The following HORMAD1 variants were observed in gnomAD, a reference collection of about 807,000 sequenced individuals.
The protein encoded by HORMAD1 is HORMA domain containing 1.
A neutral mutation model predicts 58.2 loss-of-function variants in HORMAD1; 33 were observed. The ratio of observed to expected loss-of-function variants is 0.57; its 90% CI spans 0.43 to 0.76. HORMAD1 has a LOEUF of 0.76. HORMAD1 is among the 30% of genes least tolerant of loss of function. The pLI is 0.00. For missense variants in HORMAD1, 363 were observed against 462.0 expected, an observed-to-expected ratio of 0.79 and a Z score of 1.96; for synonymous variants, 137 against 144.6, an observed-to-expected ratio of 0.95 and a Z score of 0.38.
intron 2 of HORMAD1, among the ~76,000 whole-genome samples, chr1:150,717,520 T>TA (rs398103237): frequency 1.3e-5 from 2 of 151,934 alleles, no homozygotes; most frequent in African/African-American, 2.4e-5. Context: ...TTTTTTTTTT[T>TA]ATTTTTAAAA....
rs1434336092 is a variant in HORMAD1 at position 150,712,276 on chromosome 1, G to GA, written c.280-424dup. 2.6e-5 allele frequency among the ~76,000 whole-genome samples: 4 copies of GA among 152,248 alleles called. No homozygotes were observed. In the East Asian group the frequency reaches 7.7e-4, roughly 29 times the overall value. On this transcript the variant is annotated intron_variant, in intron 5 of 14. Coordinates refer to ENST00000361824, the MANE Select transcript of HORMAD1 (RefSeq NM_032132.5). Reference sequence around the variant, plus strand: ...GGAAGTTTTGGAGACCATAGGAAAAGAAAATCATAGAAAATAATTTAATCA... The same window carrying GA: ...GGAAGTTTTGGAGACCATAGGAAAAGAAAAATCATAGAAAATAATTTAATCA...
At chr1:150,712,233 A>G (rs995072900) in intron 5 of HORMAD1, among the ~76,000 whole-genome samples, 7 of 152,326 alleles carry the variant, frequency 4.6e-5, no homozygotes, top group East Asian at 1.9e-4. Flanking sequence ...TCAGGGCCCT[A>G]TGAATTCAAC....
chr1:150,718,645 G>T (rs587630139), intron 2 of HORMAD1, among the ~76,000 whole-genome samples: 48 of 151,886 alleles, frequency 3.2e-4, no homozygotes, highest in Non-Finnish European at 5.7e-4. Flanking sequence ...CTTTCTTTTT[G>T]AGACGGAGTC....
intron 2 of HORMAD1, among the ~76,000 whole-genome samples, chr1:150,718,414 G>A (rs182814747): frequency 1.2e-4 from 17 of 144,818 alleles, no homozygotes; most frequent in African/African-American, 4.4e-4. Flanking sequence ...AAACTCTTGC[G>A]CTCAAGCAAT....
At chr1:150,700,050 T>C (rs946001064) in intron 14 of HORMAD1, 62 bp downstream of exon 14, 6 of 729,932 alleles carry the variant, frequency 8.2e-6, no homozygotes, top group Non-Finnish European at 1.4e-5. Context: ...AAATTTAATC[T>C]GTAGTAATGA....
intron 5 of HORMAD1, chr1:150,713,878 G>A: frequency 3.7e-6 from 2 of 543,108 alleles, no homozygotes; most frequent in South Asian, 2.2e-5. Flanking sequence ...AAACTAGCTT[G>A]GAAAAATTTG....
intron 6 of HORMAD1, 80 bp from the exon 7 acceptor site, chr1:150,711,651 T>A: frequency 8.7e-7 from 1 of 1,148,970 alleles, no homozygotes; most frequent in Non-Finnish European, 1.3e-6. Flanking sequence ...CTAAACTTCA[T>A]GTGAACTCAG....
At position 150,720,870 on chromosome 1, in the gene HORMAD1, C is replaced by A. The variant is rs1002751568; in HGVS notation, c.-100G>T. ...ACGAGGCTGCACGCGCTGTGCCCGA[C>A]GCGCATGCGCTTTCCTTCAACGGTC... On this transcript the variant is annotated 5_prime_UTR_variant, in exon 1 of 15. Transcript: ENST00000361824. 2 of 152,378 alleles carry A rather than the reference C, an allele frequency of 1.3e-5. No individual in the cohort carries two copies. The highest frequency in any genetic ancestry group is 2.4e-5 in the African/African-American group (1 of 41,594). The allele number at this position is 152,378 out of a possible 1,614,324, so 9.4% of individuals were successfully genotyped here. A position where few individuals can be genotyped will look rare whatever the true frequency, so the allele number is the denominator to read the frequency against.
At chr1:150,700,012 C>A in intron 14 of HORMAD1, 100 bp downstream of exon 14, 1 of 587,182 alleles carries the variant, frequency 1.7e-6, no homozygotes, top group Admixed American at 3.1e-5. Context: ...CTCTCAGGTA[C>A]ATCGAAAGAT....
At chr1:150,716,402 C>T (rs1376833533) in intron 3 of HORMAD1, among the ~76,000 whole-genome samples, 2 of 150,968 alleles carry the variant, frequency 1.3e-5, no homozygotes, top group East Asian at 2.0e-4. Context: ...CTTTGTGATC[C>T]GCCCGCCTCG....
chr1:150,704,366 A>G (rs765690127), intron 10 of HORMAD1, 23 bp from the exon 11 acceptor site: 2 of 1,446,716 alleles, frequency 1.4e-6, no homozygotes, highest in South Asian at 2.5e-5. Context: ...GTGAAGAAAA[A>G]AATTGACACA....
intron 1 of HORMAD1, among the ~76,000 whole-genome samples, chr1:150,720,084 T>C (rs1652203155): frequency 9.7e-6 from 1 of 102,602 alleles, no homozygotes; most frequent in Non-Finnish European, 2.2e-5. Context: ...ATATACAATT[T>C]TTTTTTTCGA....
At chr1:150,700,292 T>G (rs1651498277) in intron 13 of HORMAD1, 109 bp from the exon 14 acceptor site, 1 of 638,134 alleles carries the variant, frequency 1.6e-6, no homozygotes, top group Non-Finnish European at 2.8e-6. Flanking sequence ...TTATTTACTT[T>G]TTAGGGACAG....
chr1:150,713,514 C>G (rs1008114330), intron 5 of HORMAD1, among the ~76,000 whole-genome samples: 1 of 151,330 alleles, frequency 6.6e-6, no homozygotes, highest in Non-Finnish European at 1.5e-5. Context: ...CCAGCCTGAG[C>G]GACAGAGCAA....
intron 3 of HORMAD1, 89 bp from the exon 4 acceptor site, chr1:150,714,767 A>G (rs587772205): frequency 1.9e-6 from 1 of 519,554 alleles, no homozygotes; most frequent in South Asian, 3.7e-5. Flanking sequence ...TCTGCTGTGT[A>G]TTACAGGTAA....
At chr1:150,706,343 T>C (rs1398893623) in intron 10 of HORMAD1, among the ~76,000 whole-genome samples, 2 of 152,170 alleles carry the variant, frequency 1.3e-5, no homozygotes, top group African/African-American at 2.4e-5. Flanking sequence ...TCAACCAGAA[T>C]AGTTGTGCTT....
Position 150,700,178 on chromosome 1 carries a change from AT to A in HORMAD1, c.1037del (p.Asn346MetfsTer6). On this transcript the variant is annotated frameshift_variant, in exon 14 of 15. Transcript: ENST00000361824. LOFTEE classifies it high-confidence loss of function. ...SGKVFQNKMA[N>X]GNQPVKSSKE... is the part of the protein sequence containing the mutation. ...TGGAAGATTTTACTGGTTGATTTCC[AT>A]TTGCCTCCACAAAGATAGAATAATT... 6.4e-7 allele frequency: 1 copy of A among 1,560,226 alleles called. No homozygotes were observed. The highest frequency in any genetic ancestry group is 8.8e-7 in the Non-Finnish European group (1 of 1,131,754).
In HORMAD1 at chr1:150,708,400, G is replaced by T. The variant is rs1651762775; in HGVS notation, c.403C>A (p.Gln135Lys). The T allele has an allele frequency of 1.9e-6, 3 of 1,583,966 alleles. No homozygotes were observed. The East Asian group carries it at 6.9e-5, about 36-fold the overall frequency. ...GPLMDFISKN[Q>K]SNESSMLSTD... ...GACAACATGCTAGATTCGTTGCTTTGGTTTTTACTAGAAGAGAATCACATA... is the reference window on the plus strand; with the variant it reads ...GACAACATGCTAGATTCGTTGCTTTTGTTTTTACTAGAAGAGAATCACATA... Residue 135 changes from glutamine to lysine, a missense_variant, in exon 9 of 15, where the codon CAA becomes AAA. By Grantham distance (53) the Gln-to-Lys change is moderately conservative (BLOSUM62 1). Transcript: ENST00000361824.
chr1:150,705,044 AAAAACAAAACAAAAC>A (rs779754063), intron 10 of HORMAD1, among the ~76,000 whole-genome samples: 2 of 152,102 alleles, frequency 1.3e-5, no homozygotes. Flanking sequence ...CTCTGTCTCA[AAAAACAAAACAAAAC>A]AAAACAAAAC....
Sources: allele counts gnomAD v4.1 joint callset (sites outside exome capture counted in the v4.1 genomes callset), GRCh38; gene constraint gnomAD v4.1.1; transcripts MANE v1.5; gene names NCBI Gene and HGNC (gene_info 2026-07-23, HGNC 2026-07-21).